The following FBN2 variants were observed in gnomAD, a reference collection of about 807,000 sequenced individuals.
The protein encoded by FBN2 is fibrillin 2.
Under a neutral mutation model 355.6 loss-of-function variants are expected in FBN2, and 105 were observed. The ratio of observed to expected loss-of-function variants is 0.30; its 90% confidence interval spans 0.25 to 0.35. The LOEUF is 0.35. Ranked by LOEUF, FBN2 falls within the 10% of genes least tolerant of loss-of-function variation. FBN2 has a pLI of 1.00. For synonymous variants in FBN2, 1,350 were observed against 1,301.2 expected, an observed-to-expected ratio of 1.04 and a Z score of -0.81; for missense variants, 3,280 against 3,758.7, an observed-to-expected ratio of 0.87 and a Z score of 3.33.
At chr5:128,337,583 C>T (rs149688231) in intron 27 of FBN2, among the ~76,000 whole-genome samples, 99 of 152,296 alleles carry the variant, frequency 6.5e-4, no homozygotes, top group African/African-American at 2.3e-3. Context: ...GTTAAGGGAG[C>T]GCCATGTTCA....
At chr5:128,300,695 A>T in intron 48 of FBN2, 122 bp downstream of exon 48, 1 of 956,636 alleles carries the variant, frequency 1.0e-6, no homozygotes, top group Non-Finnish European at 1.7e-6. Flanking sequence ...GTAGGCAGCT[A>T]TATGTTTAAT....
At chr5:128,478,580 A>C (rs977152655) in intron 5 of FBN2, among the ~76,000 whole-genome samples, 2 of 152,194 alleles carry the variant, frequency 1.3e-5, no homozygotes, top group Non-Finnish European at 2.9e-5. Context: ...GTAGCACACA[A>C]CATAAAATGG....
chr5:128,277,752 G>C lies in FBN2; in HGVS notation c.7471+128C>G, dbSNP rs1273694302. 3.7e-6 allele frequency: 4 copies of C among 1,094,128 alleles called. No individual in the cohort carries two copies. In the Admixed American group the frequency reaches 7.5e-5, roughly 21 times the overall value. 67.8% of individuals were successfully genotyped at this position (1,094,128 alleles called of 1,614,324 possible). ...TAAGAAGCACATTATTGAGAGGATG[G>C]CAACATTTTAATAAAATATATATTC... On this transcript the variant is annotated intron_variant, in intron 58 of 64. Transcript: ENST00000262464.
chr5:128,338,393 T>C (rs533123259), intron 26 of FBN2, among the ~76,000 whole-genome samples: 1 of 152,348 alleles, frequency 6.6e-6, no homozygotes, highest in African/African-American at 2.4e-5. Flanking sequence ...ATTTGCTTTA[T>C]ATCACCACGG....
intron 5 of FBN2, among the ~76,000 whole-genome samples, chr5:128,497,179 G>A (rs1053365958): frequency 6.6e-6 from 1 of 152,154 alleles, no homozygotes; most frequent in African/African-American, 2.4e-5. Context: ...TAGGTTCCTT[G>A]TTTTGAGTTA....
intron 8 of FBN2, among the ~76,000 whole-genome samples, chr5:128,401,417 G>A (rs377238127): frequency 2.6e-5 from 4 of 151,948 alleles, no homozygotes; most frequent in South Asian, 2.1e-4. Context: ...ATGCTCTCAC[G>A]AATATTAAAT....
intron 6 of FBN2, among the ~76,000 whole-genome samples, chr5:128,455,986 G>GAAA (rs1754373654): frequency 1.7e-4 from 2 of 11,848 alleles, no homozygotes; most frequent in Admixed American, 2.5e-3. Flanking sequence ...GGGAGGGTTA[G>GAAA]CAACAAAAAA....
At position 128,259,018 on chromosome 5, in the gene FBN2, T is replaced by C. The variant is rs1764888785; in HGVS notation, c.*437A>G. The stretch of plus-strand genomic sequence containing the variant: ...AAACAAGTGAGTTTCCCTTTTTGTT[T>C]ACATAGTTTGTTCATTTCTCCATAT... On this transcript the variant is annotated 3_prime_UTR_variant, in exon 65 of 65. Transcript: ENST00000262464. The C allele has an allele frequency of 6.4e-6, 1 of 157,022 alleles. No individual in the cohort carries two copies. The highest frequency in any genetic ancestry group is 1.9e-4 in the South Asian group (1 of 5,368). 9.7% of individuals were successfully genotyped at this position (157,022 alleles called of 1,614,324 possible). A position where few individuals can be genotyped will look rare whatever the true frequency, so the allele number is the denominator to read the frequency against.
chr5:128,462,759 G>A (rs541707300), intron 6 of FBN2, among the ~76,000 whole-genome samples: 1 of 152,146 alleles, frequency 6.6e-6, no homozygotes, highest in East Asian at 1.9e-4. Context: ...TACAGAACAT[G>A]AGAAAAGTCA....
chr5:128,464,612 T>A, intron 6 of FBN2, 112 bp downstream of exon 6: 1 of 1,196,950 alleles, frequency 8.4e-7, no homozygotes, highest in Admixed American at 1.7e-5. Context: ...GAGGCCACTC[T>A]TGGAAATCAG....
At chr5:128,510,365 G>A (rs1756081293) in intron 5 of FBN2, among the ~76,000 whole-genome samples, 1 of 152,244 alleles carries the variant, frequency 6.6e-6, no homozygotes, top group Admixed American at 6.5e-5. Context: ...CACAGGTGGG[G>A]CAAACTTCCA....
At chr5:128,373,958 A>C (rs1173039923) in intron 15 of FBN2, among the ~76,000 whole-genome samples, 1 of 152,160 alleles carries the variant, frequency 6.6e-6, no homozygotes, top group Non-Finnish European at 1.5e-5. Context: ...TGCAAGTCCA[A>C]TATTTATATT....
intron 59 of FBN2, among the ~76,000 whole-genome samples, chr5:128,275,435 T>G (rs1435771001): frequency 8.4e-6 from 1 of 119,434 alleles, no homozygotes; most frequent in Non-Finnish European, 1.8e-5. Flanking sequence ...AAGCGGTGCT[T>G]GCTATTATTT....
intron 5 of FBN2, among the ~76,000 whole-genome samples, chr5:128,489,267 C>T (rs1170032369): frequency 3.3e-5 from 5 of 152,146 alleles, no homozygotes; most frequent in Non-Finnish European, 5.9e-5. Context: ...CATGCTAGAT[C>T]GAAGTCAATA....
Position 128,345,338 on chromosome 5 carries a change from G to A in FBN2, c.3217+19C>T, listed in dbSNP as rs372705828. The A allele has an allele frequency of 8.2e-6, 13 of 1,594,504 alleles. No homozygotes were observed. Among genetic ancestry groups the A allele is most frequent in the Middle Eastern group, 1.7e-4 (1 of 6,032 alleles). ...CCTGTTGGTGAAGAAGGACCAAGGC[G>A]CTGGCCGCAGGCAGTTACCTTTGTA... On this transcript the variant is annotated intron_variant, in intron 24 of 64. Transcript: ENST00000262464.
Position 128,287,377 on chromosome 5 carries a change from T to G in FBN2, c.6811A>C (p.Thr2271Pro). ...PLLCAFRCMN[T>P]FGSYECTCPI... ...CACGTGCATTCATAGGACCCAAAAG[T>G]GTTCATGCAGCGGAAAGCACACAGC... Residue 2271 changes from threonine (T) to proline (P), a missense_variant, in exon 54 of 65, where the codon ACT (threonine) becomes CCT (proline). Physicochemically the swap from Thr to Pro is conservative, Grantham distance 38. Transcript: ENST00000262464. The G allele has an allele frequency of 6.2e-7, 1 of 1,614,034 alleles. No individual in the cohort carries two copies. Among genetic ancestry groups the G allele is most frequent in the East Asian group, 2.2e-5 (1 of 44,866 alleles).
intron 4 of FBN2, among the ~76,000 whole-genome samples, chr5:128,527,479 G>A (rs550230984): frequency 4.3e-4 from 66 of 152,194 alleles, no homozygotes; most frequent in Non-Finnish European, 8.2e-4. Flanking sequence ...TAGATACAAA[G>A]AGGGAACTGG....
chr5:128,520,986 A>T (rs1756417426), intron 4 of FBN2, among the ~76,000 whole-genome samples: 3 of 152,296 alleles, frequency 2.0e-5, no homozygotes, highest in African/African-American at 7.2e-5. Flanking sequence ...GAAGGTGGGA[A>T]AAAACAAAAC....
chr5:128,528,423 G>C (rs1425634641), intron 3 of FBN2, among the ~76,000 whole-genome samples: 1 of 152,014 alleles, frequency 6.6e-6, no homozygotes, highest in Non-Finnish European at 1.5e-5. Flanking sequence ...GTGATAAACT[G>C]TTTGAAGTAA....
Sources: gnomAD v4.1 joint callset for allele counts (sites outside exome capture counted in the v4.1 genomes callset) on GRCh38, gnomAD v4.1.1 for gene constraint, MANE v1.5 for transcripts, NCBI Gene and HGNC (gene_info 2026-07-23, HGNC 2026-07-21) for gene names.